Variants in INCENP observed in about 807,000 individuals in gnomAD.
The protein encoded by INCENP is inner centromere protein, also known as binds and activates aurora-B and -C in vivo and in vitro.
Under a neutral mutation model 107.3 loss-of-function variants are expected in INCENP, and 43 were observed. The observed-to-expected ratio is 0.40, with a 90% CI of 0.31 to 0.52. The LOEUF (loss-of-function observed/expected upper bound fraction) is 0.52. Ranked by LOEUF, INCENP falls within the 20% of genes least tolerant of loss-of-function variation. INCENP has a pLI of 0.53. For missense variants in INCENP, 1,089 were observed against 1,250.9 expected, an observed-to-expected ratio of 0.87 and a Z score of 1.95; for synonymous variants, 488 against 494.4, an observed-to-expected ratio of 0.99 and a Z score of 0.17.
chr11:62,134,402 TAA>T (rs71053016), intron 4 of INCENP, among the ~76,000 whole-genome samples: 11 of 128,386 alleles, frequency 8.6e-5, no homozygotes, highest in African/African-American at 2.1e-4. Flanking sequence ...GAGACTCTGT[TAA>T]AAAAAAAAAA....
At chr11:62,127,580 G>GAAC (rs1195318377) in intron 1 of INCENP, among the ~76,000 whole-genome samples, 2 of 152,206 alleles carry the variant, frequency 1.3e-5, no homozygotes, top group Admixed American at 1.3e-4. Context: ...CATTCCTTTG[G>GAAC]AACACAGAAT....
Position 62,130,559 on chromosome 11 carries a change from C to T in INCENP, c.1032C>T (p.Ala344=), listed in dbSNP as rs574983256. 88 of 1,613,298 alleles carry T rather than the reference C, an allele frequency of 5.5e-5. 1 individual carries two copies. The highest frequency in any genetic ancestry group is 4.9e-4 in the Middle Eastern group (3 of 6,062). ...GCAGAAGGCTTGCCAAGAAGACTGC[C>T]GAAGAGCCAGCTGCCTCTGGCCGCA... ...RASRRLAKKT[A]EEPAASGRII... Residue 344 remains alanine (A), a synonymous_variant, in exon 4 of 19, where the codon GCC becomes GCT. Coordinates refer to ENST00000394818, the MANE Select transcript of INCENP (RefSeq NM_001040694.2).
At chr11:62,149,852 G>C (rs1190729969) in intron 17 of INCENP, among the ~76,000 whole-genome samples, 2 of 151,210 alleles carry the variant, frequency 1.3e-5, no homozygotes, top group Non-Finnish European at 3.0e-5. Flanking sequence ...AACCTGGGAG[G>C]CGGAGGTTGC....
At position 62,146,802 on chromosome 11, in the gene INCENP, C is replaced by T. The variant is rs533741220; in HGVS notation, c.2104C>T (p.Arg702Trp). 6.0e-5 allele frequency: 92 copies of T among 1,534,670 alleles called. No homozygotes were observed. Among genetic ancestry groups the T allele is most frequent in the East Asian group, 2.0e-4 (8 of 40,354 alleles). ...GGAGCAGGAGCGGCGCGAGCAGGAG[C>T]GGCGCGAGCAGGAGCGGCGGGAGCA... is the stretch of plus-strand genomic sequence containing the variant. The part of the protein sequence containing the change: ...RREQERREQE[R>W]REQERREQER... Residue 702 changes from arginine (R) to tryptophan (W), a missense_variant, in exon 15 of 19, where the codon CGG (arginine) becomes TGG (tryptophan). Transcript: ENST00000394818.
Position 62,128,255 on chromosome 11 carries a change from G to T in INCENP, c.94G>T (p.Val32Leu), listed in dbSNP as rs767156240. The T allele has an allele frequency of 1.1e-5, 18 of 1,614,194 alleles. No homozygotes were observed. Among genetic ancestry groups the T allele is most frequent in the Non-Finnish European group, 1.2e-5 (14 of 1,180,022 alleles). ...FLCNMDNKDLVWLEEIQEEAE... is the reference protein window; with the variant it reads ...FLCNMDNKDLLWLEEIQEEAE... ...CTGCAACATGGATAATAAGGACTTG[G>T]TGTGGCTTGAGGAAATCCAAGAGGA... The change falls in exon 2 of 19, where the codon GTG becomes TTG. Residue 32 changes from valine to leucine, a missense_variant. Physicochemically the swap from Val to Leu is conservative, Grantham distance 32. Coordinates refer to ENST00000394818, the MANE Select transcript of INCENP (RefSeq NM_001040694.2).
chr11:62,145,189 G>C lies in INCENP; in HGVS notation c.1736G>C (p.Arg579Pro). Residue 579 changes from arginine (R) to proline (P), a missense_variant, in exon 13 of 19, where the codon CGC (arginine) becomes CCC (proline). Arg to Pro is a moderately radical substitution (Grantham distance 103). Transcript: ENST00000394818. Reference protein sequence around the residue: ...EVKLKREERLRKVLQARERVE... With the variant: ...EVKLKREERLPKVLQARERVE... ...CGCAGGAAGCGTGAGGAACGCCTCC[G>C]CAAGGTGCTGCAGGCCCGCGAGCGG... 1 of 1,614,132 alleles carries C rather than the reference G, an allele frequency of 6.2e-7. No homozygotes were observed. The highest frequency in any genetic ancestry group is 8.5e-7 in the Non-Finnish European group (1 of 1,180,034).
Position 62,128,875 on chromosome 11 carries a change from C to G in INCENP, c.246C>G (p.Ile82Met). Reference protein sequence around the residue: ...SYVQDENRDPIRRRLSRRKSR... With the variant: ...SYVQDENRDPMRRRLSRRKSR... Reference sequence around the variant, plus strand: ...TTCAGGATGAAAACAGAGATCCCATCAGGAGAAGGTAGGAGGGGTTGGGGG... The same window carrying G: ...TTCAGGATGAAAACAGAGATCCCATGAGGAGAAGGTAGGAGGGGTTGGGGG... Residue 82 changes from isoleucine (I) to methionine (M), a missense_variant, in exon 3 of 19, where the codon ATC (isoleucine) becomes ATG (methionine). Transcript: ENST00000394818. 6.2e-7 allele frequency: 1 copy of G among 1,609,088 alleles called. No individual in the cohort carries two copies. The highest frequency in any genetic ancestry group is 8.5e-7 in the Non-Finnish European group (1 of 1,175,428).
At chr11:62,147,727 C>T (rs140249001) in intron 15 of INCENP, among the ~76,000 whole-genome samples, 110 of 152,272 alleles carry the variant, frequency 7.2e-4, no homozygotes, top group African/African-American at 2.3e-3. Flanking sequence ...GAGTCACAGC[C>T]AGGGGGCTGC....
intron 4 of INCENP, 137 bp downstream of exon 4, chr11:62,130,727 T>G (rs1221327402): frequency 6.9e-6 from 5 of 728,506 alleles, no homozygotes; most frequent in Non-Finnish European, 1.1e-5. Context: ...TGTGCTGTCC[T>G]GGGATGGTGG....
At position 62,145,676 on chromosome 11, in the gene INCENP, G is replaced by A. The variant is rs775899910; in HGVS notation, c.1884G>A (p.Ala628=). The part of the protein sequence containing the change: ...LAEEKAKKKA[A]AKKMEEVEAR... ...AGGAGAAGGCCAAGAAAAAGGCGGC[G>A]GCCAAGAAGATGGAGGAGGTGGAAG... The change falls in exon 14 of 19, where the codon GCG becomes GCA. Residue 628 remains alanine, a synonymous_variant. Coordinates refer to ENST00000394818, the MANE Select transcript of INCENP (RefSeq NM_001040694.2). The A allele has an allele frequency of 2.0e-5, 31 of 1,575,538 alleles. No homozygotes were observed. Among genetic ancestry groups the A allele is most frequent in the South Asian group, 1.4e-4 (12 of 85,884 alleles).
chr11:62,133,083 G>C (rs148708865), intron 4 of INCENP, among the ~76,000 whole-genome samples: 6 of 152,156 alleles, frequency 3.9e-5, no homozygotes, highest in South Asian at 2.1e-4. Context: ...GGAGTGGGGC[G>C]GTGACAGGGG....
At chr11:62,136,036 A>G (rs889829038) in intron 4 of INCENP, among the ~76,000 whole-genome samples, 1 of 151,972 alleles carries the variant, frequency 6.6e-6, no homozygotes, top group African/African-American at 2.4e-5. Context: ...TGACCTAGTG[A>G]TCCGCCCGCC....
At chr11:62,137,036 TC>T (rs1310903841) in intron 4 of INCENP, among the ~76,000 whole-genome samples, 2 of 151,394 alleles carry the variant, frequency 1.3e-5, no homozygotes, top group African/African-American at 4.9e-5. Context: ...CCAGCTCAGG[TC>T]CCCCCATCAT....
chr11:62,141,506 T>C lies in INCENP; in HGVS notation c.1600T>C (p.Phe534Leu), dbSNP rs1231652791. 1.2e-6 allele frequency: 2 copies of C among 1,613,926 alleles called. No individual in the cohort carries two copies. Among genetic ancestry groups the C allele is most frequent in the East Asian group, 4.5e-5 (2 of 44,900 alleles). Reference sequence around the variant, plus strand: ...TCCCTTGTCTCCTCCACAGTGCAGCTTCGTCGTAAGTAAAGCCTTTTCCTG... The same window carrying C: ...TCCCTTGTCTCCTCCACAGTGCAGCCTCGTCGTAAGTAAAGCCTTTTCCTG... ...TPLRMDPKCSFVEKERQRLEN... is the reference protein window; with the variant it reads ...TPLRMDPKCSLVEKERQRLEN... Residue 534 changes from phenylalanine to leucine, a missense_variant, in exon 11 of 19, where the codon TTC becomes CTC. Coordinates refer to ENST00000394818, the MANE Select transcript of INCENP (RefSeq NM_001040694.2).
At chr11:62,131,805 T>C (rs1943899232) in intron 4 of INCENP, among the ~76,000 whole-genome samples, 1 of 151,016 alleles carries the variant, frequency 6.6e-6, no homozygotes, top group African/African-American at 2.4e-5. Flanking sequence ...TGATACAGAG[T>C]CTCGCTCTGT....
chr11:62,131,827 G>T (rs1057322037), intron 4 of INCENP, among the ~76,000 whole-genome samples: 2 of 152,028 alleles, frequency 1.3e-5, no homozygotes, highest in Non-Finnish European at 2.9e-5. Flanking sequence ...GCCCAGGCTG[G>T]AGTGCAATGG....
chr11:62,143,764 A>G (rs1944175562), intron 11 of INCENP, among the ~76,000 whole-genome samples: 1 of 152,230 alleles, frequency 6.6e-6, no homozygotes, highest in African/African-American at 2.4e-5. Flanking sequence ...GCTATTGGAC[A>G]CTGTGCCTAA....
At chr11:62,124,876 G>A (rs1267727777) in intron 1 of INCENP, among the ~76,000 whole-genome samples, 1 of 152,246 alleles carries the variant, frequency 6.6e-6, no homozygotes, top group East Asian at 1.9e-4. Flanking sequence ...AGGTTGTGGT[G>A]AGAATTAAAT....
chr11:62,149,993 A>G, intron 17 of INCENP, 64 bp from the exon 18 acceptor site: 1 of 1,537,720 alleles, frequency 6.5e-7, no homozygotes, highest in Non-Finnish European at 8.9e-7. Flanking sequence ...GTGCCCCAGC[A>G]CTCCTCGGTG....
Sources: gnomAD v4.1 joint callset for allele counts (sites outside exome capture counted in the v4.1 genomes callset) on GRCh38, gnomAD v4.1.1 for gene constraint, MANE v1.5 for transcripts, NCBI Gene and HGNC (gene_info 2026-07-23, HGNC 2026-07-21) for gene names.